TPO: variants seen among roughly 807,000 people sequenced by gnomAD.
TPO encodes the protein thyroid peroxidase, also known as thyroid microsomal antigen.
Under a neutral mutation model 96.9 loss-of-function variants are expected in TPO, and 78 were observed. That is an observed-to-expected ratio of 0.81 (90% CI 0.67 to 0.97). TPO has a LOEUF of 0.97. TPO is among the 50% of genes least tolerant of loss of function. The pLI, the probability that TPO is intolerant of heterozygous loss-of-function variation, is 0.00. For synonymous variants in TPO, 547 were observed against 538.0 expected, an observed-to-expected ratio of 1.02 and a Z score of -0.23; for missense variants, 1,252 against 1,274.8, an observed-to-expected ratio of 0.98 and a Z score of 0.27.
At position 1,433,487 on chromosome 2, in the gene TPO, T is replaced by A; in HGVS notation, c.229T>A (p.Ser77Thr). ...ILSPAQLLSF[S>T]KLPEPTSGVI... The stretch of plus-strand genomic sequence containing the variant: ...TTCTCCAGCTCAGCTTCTGTCTTTT[T>A]CCAAACTTCCTGAGCCAACAAGCGG... The change falls in exon 4 of 17, where the codon TCC becomes ACC. Residue 77 changes from serine to threonine, a missense_variant. By Grantham distance (58) the Ser-to-Thr change is moderately conservative. Transcript: ENST00000329066. The A allele has an allele frequency of 1.2e-6, 2 of 1,614,218 alleles. No homozygotes were observed. The highest frequency in any genetic ancestry group is 1.7e-6 in the Non-Finnish European group (2 of 1,180,050).
chr2:1,543,658 CAATATT>C lies in TPO; in HGVS notation c.*1187_*1192del, dbSNP rs1247852149. 1.3e-5 allele frequency: 2 copies of C among 150,706 alleles called. No homozygotes were observed. The highest frequency in any genetic ancestry group is 3.9e-4 in the East Asian group (2 of 5,178). The allele number at this position is 150,706 out of a possible 1,614,324, so 9.3% of individuals were successfully genotyped here. A position where few individuals can be genotyped will look rare whatever the true frequency, so the allele number is the denominator to read the frequency against. On this transcript the variant is annotated 3_prime_UTR_variant, in exon 17 of 17. Transcript: ENST00000329066. ...AAAACTCATGATTTCATAATTAAAA[CAATATT>C]AAAATAAAACTCATGAATGATTTCA...
rs112196884 is a variant in TPO at position 1,489,070 on chromosome 2, C to T, written c.1768+1079C>T. On this transcript the variant is annotated intron_variant, in intron 10 of 16. Coordinates refer to ENST00000329066, the MANE Select transcript of TPO (RefSeq NM_001206744.2). Reference sequence around the variant, plus strand: ...AGCACACACCCGCACATGCCCGGCACATGCCCAGCACATACCTGCACATGC... The same window carrying T: ...AGCACACACCCGCACATGCCCGGCATATGCCCAGCACATACCTGCACATGC... 5.9e-4 allele frequency among the ~76,000 whole-genome samples: 89 copies of T among 151,742 alleles called. 1 individual carries two copies. Among genetic ancestry groups the T allele is most frequent in the African/African-American group, 2.1e-3 (86 of 41,386 alleles).
intron 7 of TPO, among the ~76,000 whole-genome samples, chr2:1,473,738 C>T (rs1317894047): frequency 6.6e-6 from 1 of 151,724 alleles, no homozygotes; most frequent in Admixed American, 6.6e-5. Flanking sequence ...ATTTACACAC[C>T]TGATTTTGAT....
intron 1 of TPO, among the ~76,000 whole-genome samples, chr2:1,392,303 T>A (rs1662013609): frequency 6.6e-6 from 1 of 152,202 alleles, no homozygotes; most frequent in African/African-American, 2.4e-5. Flanking sequence ...TGATGGATTA[T>A]GTTCATTGAT....
chr2:1,486,574 C>T (rs1029045394), intron 9 of TPO, among the ~76,000 whole-genome samples: 2 of 152,094 alleles, frequency 1.3e-5, no homozygotes, highest in Non-Finnish European at 2.9e-5. Context: ...AAAGGCTAAA[C>T]TGTTCTATAG....
chr2:1,463,120 G>A (rs377489860), intron 7 of TPO, among the ~76,000 whole-genome samples: 1 of 152,178 alleles, frequency 6.6e-6, no homozygotes, highest in African/African-American at 2.4e-5. Context: ...CTGCGTGCCC[G>A]TGGGTGAGAA....
Position 1,461,481 on chromosome 2 carries a change from TG to T in TPO, c.819+5200del, listed in dbSNP as rs200199999. On this transcript the variant is annotated intron_variant, in intron 7 of 16. Transcript: ENST00000329066. ...GCCCTGGGGAAACTGGACTTCCACCTGCCTCAGGGGAGGAATTGGCCTTTCG... is the reference window on the plus strand; with the variant it reads ...GCCCTGGGGAAACTGGACTTCCACCTCCTCAGGGGAGGAATTGGCCTTTCG... Among the ~76,000 whole-genome samples the T allele has an allele frequency of 4.9e-3, 751 of 152,278 alleles. 4 individuals carry two copies. Among genetic ancestry groups the T allele is most frequent in the African/African-American group, 0.017 (698 of 41,552 alleles).
chr2:1,427,410 G>A (rs1303680596), intron 3 of TPO, among the ~76,000 whole-genome samples: 1 of 152,228 alleles, frequency 6.6e-6, no homozygotes, highest in Non-Finnish European at 1.5e-5. Flanking sequence ...ACCCTGTGAG[G>A]GAGGCAGGCA....
chr2:1,536,765 ACT>A (rs1165328123), intron 15 of TPO, among the ~76,000 whole-genome samples: 2 of 75,386 alleles, frequency 2.7e-5, no homozygotes, highest in African/African-American at 6.0e-5. Flanking sequence ...AATCCCCATC[ACT>A]CTGTGTAATC....
intron 14 of TPO, among the ~76,000 whole-genome samples, chr2:1,509,701 A>AG (rs1396553673): frequency 8.3e-5 from 4 of 48,246 alleles, no homozygotes; most frequent in African/African-American, 4.0e-4. Context: ...TTTCAGGCAC[A>AG]CCCCCCTTCT....
chr2:1,453,331 T>C (rs1412684160), intron 5 of TPO, among the ~76,000 whole-genome samples: 3 of 152,202 alleles, frequency 2.0e-5, no homozygotes, highest in Non-Finnish European at 4.4e-5. Flanking sequence ...ATCTCTTTGT[T>C]TGGAGTACCA....
chr2:1,450,133 TTC>T (rs1384768090), intron 5 of TPO, among the ~76,000 whole-genome samples: 6 of 152,294 alleles, frequency 3.9e-5, no homozygotes, highest in African/African-American at 1.2e-4. Flanking sequence ...CGTCCACAGT[TTC>T]TCTCCCAGCA....
intron 5 of TPO, among the ~76,000 whole-genome samples, chr2:1,453,087 T>C (rs1040314949): frequency 2.0e-5 from 3 of 151,840 alleles, no homozygotes; most frequent in South Asian, 2.1e-4. Flanking sequence ...CAACTGACTC[T>C]CTCTCTCTCT....
At chr2:1,447,472 A>G (rs917103064) in intron 5 of TPO, among the ~76,000 whole-genome samples, 1 of 152,218 alleles carries the variant, frequency 6.6e-6, no homozygotes, top group Non-Finnish European at 1.5e-5. Flanking sequence ...CCTAAAATAT[A>G]TGAAACTAAG....
intron 5 of TPO, among the ~76,000 whole-genome samples, chr2:1,437,237 G>T (rs1341517887): frequency 2.0e-5 from 3 of 152,214 alleles, no homozygotes; most frequent in African/African-American, 7.2e-5. Context: ...AGGGGCAGAG[G>T]GAGAGCAGCC....
chr2:1,527,194 C>T (rs557184473), intron 15 of TPO, among the ~76,000 whole-genome samples: 20 of 138,988 alleles, frequency 1.4e-4, no homozygotes, highest in Admixed American at 3.6e-4. Context: ...TGTGTGCAAC[C>T]GCCCCAAATC....
At chr2:1,476,928 G>A (rs537200332) in intron 7 of TPO, among the ~76,000 whole-genome samples, 158 bp from the exon 8 acceptor site, 1 of 152,072 alleles carries the variant, frequency 6.6e-6, no homozygotes, top group Admixed American at 6.5e-5. Flanking sequence ...GCAGGCCGGG[G>A]GGGGAGGTGA....
At chr2:1,393,562 C>T (rs1012532007) in intron 1 of TPO, among the ~76,000 whole-genome samples, 12 of 152,204 alleles carry the variant, frequency 7.9e-5, no homozygotes, top group African/African-American at 2.4e-4. Flanking sequence ...AGCTCAGGGA[C>T]ACCTGTGAAC....
intron 15 of TPO, among the ~76,000 whole-genome samples, chr2:1,534,823 C>A (rs1311329478): frequency 7.4e-6 from 1 of 135,338 alleles, no homozygotes; most frequent in Non-Finnish European, 1.6e-5. Flanking sequence ...CCACTGTGTG[C>A]AACCTCAAGT....
Sources: allele counts gnomAD v4.1 joint callset (sites outside exome capture counted in the v4.1 genomes callset), GRCh38; gene constraint gnomAD v4.1.1; transcripts MANE v1.5; gene names NCBI Gene and HGNC (gene_info 2026-07-23, HGNC 2026-07-21).